The following PLCXD2 variants were observed in gnomAD, a reference collection of about 807,000 sequenced individuals.
PLCXD2 encodes the protein phosphatidylinositol specific phospholipase C X domain containing 2.
Under a neutral mutation model 28.6 loss-of-function variants are expected in PLCXD2, and 21 were observed. The observed-to-expected ratio is 0.73, with a 90% CI of 0.52 to 1.06. The LOEUF is 1.06. Ranked by LOEUF, PLCXD2 falls within the 50% of genes least tolerant of loss-of-function variation. PLCXD2 has a pLI of 0.00. For synonymous variants in PLCXD2, 140 were observed against 150.1 expected (o/e 0.93, Z 0.49); for missense variants, 369 against 376.7 (o/e 0.98, Z 0.17).
At chr3:111,696,742 G>A (rs566614049) in intron 1 of PLCXD2, among the ~76,000 whole-genome samples, 6 of 152,254 alleles carry the variant, frequency 3.9e-5, no homozygotes, top group Non-Finnish European at 5.9e-5. Flanking sequence ...CCAAGCTTAC[G>A]ATGGACCGAC....
intron 3 of PLCXD2, among the ~76,000 whole-genome samples, chr3:111,717,729 C>T (rs1315292027): frequency 4.6e-5 from 7 of 152,162 alleles, no homozygotes; most frequent in Admixed American, 1.3e-4. Flanking sequence ...GCAGAGGGCG[C>T]CTGCACCTCA....
chr3:111,690,119 A>G (rs557725994), intron 1 of PLCXD2, among the ~76,000 whole-genome samples: 353 of 125,960 alleles, frequency 2.8e-3, no homozygotes, highest in African/African-American at 9.1e-3. Context: ...AATCCTGATA[A>G]CAATACTAGA....
intron 1 of PLCXD2, among the ~76,000 whole-genome samples, chr3:111,694,471 CT>C (rs61244571): frequency 0.11 from 15,359 of 145,794 alleles, 924 homozygotes; most frequent in Non-Finnish European, 0.14. Context: ...TTGAAGAGAG[CT>C]TTTTTTTTTT....
chr3:111,675,419 A>C lies in PLCXD2; in HGVS notation c.163+11A>C, dbSNP rs779147999. On this transcript the variant is annotated intron_variant, in intron 1 of 4. Transcript: ENST00000477665. ...ATCTGGCAATCCCAGGTATTCGTCTATTCCTACTTGTTCCCACTGTGTTTA... is the reference window on the plus strand; with the variant it reads ...ATCTGGCAATCCCAGGTATTCGTCTCTTCCTACTTGTTCCCACTGTGTTTA... The C allele has an allele frequency of 6.2e-7, 1 of 1,613,930 alleles. No individual in the cohort carries two copies. The highest frequency in any genetic ancestry group is 1.1e-5 in the South Asian group (1 of 91,062).
intron 1 of PLCXD2, among the ~76,000 whole-genome samples, chr3:111,690,756 C>T (rs561415331): frequency 6.6e-6 from 1 of 152,202 alleles, no homozygotes; most frequent in Non-Finnish European, 1.5e-5. Flanking sequence ...AAAAAAACCT[C>T]TTCTTATCCT....
Position 111,675,367 on chromosome 3 carries a change from C to A in PLCXD2, c.122C>A (p.Pro41His), listed in dbSNP as rs772539605. ...GCCGACTGGATGGCCTCGCTCCCCC[C>A]TCACCTCCACAACCTCCCCCTTTCC... The change falls in exon 1 of 5, where the codon CCT (proline) becomes CAT (histidine). Residue 41 changes from proline (P) to histidine (H), a missense_variant. Coordinates refer to ENST00000477665, the MANE Select transcript of PLCXD2 (RefSeq NM_001185106.1). 2 of 1,614,190 alleles carry A rather than the reference C, an allele frequency of 1.2e-6. No individual in the cohort carries two copies. Among genetic ancestry groups the A allele is most frequent in the Admixed American group, 3.3e-5 (2 of 60,022 alleles).
At chr3:111,683,768 G>T (rs1396865212) in intron 1 of PLCXD2, among the ~76,000 whole-genome samples, 1 of 152,130 alleles carries the variant, frequency 6.6e-6, no homozygotes, top group Non-Finnish European at 1.5e-5. Flanking sequence ...ACTGCTGGAA[G>T]AAGCATATAG....
In PLCXD2 at chr3:111,708,314, T is replaced by A. The variant is rs1444449228; in HGVS notation, c.552T>A (p.Phe184Leu). Residue 184 changes from phenylalanine to leucine, a missense_variant, in exon 2 of 5, where the codon TTT becomes TTA. Transcript: ENST00000477665. ...TGGTTCTGCGGATCCAGGAGGCCTT[T>A]GGAAACAAGCTGTGCCCAGCCTGCA... The A allele has an allele frequency of 6.2e-7, 1 of 1,614,024 alleles. No individual in the cohort carries two copies. Among genetic ancestry groups the A allele is most frequent in the African/African-American group, 1.3e-5 (1 of 74,904 alleles).
intron 1 of PLCXD2, among the ~76,000 whole-genome samples, chr3:111,680,070 T>C (rs762442900): frequency 2.6e-5 from 4 of 152,216 alleles, no homozygotes; most frequent in Non-Finnish European, 5.9e-5. Flanking sequence ...CATTCCCTTC[T>C]TTTCTTTTCT....
chr3:111,695,482 A>G (rs1453283265), intron 1 of PLCXD2, among the ~76,000 whole-genome samples: 1 of 152,256 alleles, frequency 6.6e-6, no homozygotes, highest in Non-Finnish European at 1.5e-5. Flanking sequence ...CTGCTGTCGC[A>G]CTTTGGGGTC....
chr3:111,719,129 A>C (rs1941312769), intron 3 of PLCXD2, among the ~76,000 whole-genome samples: 1 of 152,208 alleles, frequency 6.6e-6, no homozygotes, highest in Non-Finnish European at 1.5e-5. Context: ...CTAAACCTAA[A>C]AGCTAAAAAC....
intron 1 of PLCXD2, among the ~76,000 whole-genome samples, chr3:111,705,888 T>C: frequency 6.6e-6 from 1 of 150,638 alleles, no homozygotes; most frequent in South Asian, 2.2e-4. Context: ...AGGGTCTTAC[T>C]CTGACCCAGG....
chr3:111,712,954 TCAC>T (rs1346545874), intron 2 of PLCXD2, among the ~76,000 whole-genome samples: 3 of 152,206 alleles, frequency 2.0e-5, no homozygotes, highest in Non-Finnish European at 4.4e-5. Flanking sequence ...ATTTTCAACA[TCAC>T]CACCATCCTG....
chr3:111,695,737 G>C (rs78466976), intron 1 of PLCXD2, among the ~76,000 whole-genome samples: 5,560 of 152,268 alleles, frequency 0.037, 352 homozygotes, highest in African/African-American at 0.13. Flanking sequence ...CTAATGGTTG[G>C]GGAACCTCTA....
intron 1 of PLCXD2, among the ~76,000 whole-genome samples, chr3:111,689,443 T>C (rs1940843264): frequency 6.6e-6 from 1 of 152,222 alleles, no homozygotes; most frequent in South Asian, 2.1e-4. Flanking sequence ...ATTTTGGGCT[T>C]GAAGAAAACT....
At chr3:111,705,765 GGA>G (rs1308194386) in intron 1 of PLCXD2, among the ~76,000 whole-genome samples, 1 of 151,926 alleles carries the variant, frequency 6.6e-6, no homozygotes, top group Non-Finnish European at 1.5e-5. Context: ...TTAGCGACAT[GGA>G]GCATTGCTTC....
chr3:111,719,797 T>C (rs1941321331), intron 3 of PLCXD2, among the ~76,000 whole-genome samples: 1 of 152,370 alleles, frequency 6.6e-6, no homozygotes, highest in East Asian at 1.9e-4. Flanking sequence ...GTACCAGTTA[T>C]GTTCTAGACC....
At chr3:111,683,372 AGATC>A (rs1245933282) in intron 1 of PLCXD2, among the ~76,000 whole-genome samples, 1 of 152,232 alleles carries the variant, frequency 6.6e-6, no homozygotes, top group African/African-American at 2.4e-5. Flanking sequence ...GGCAAGAACT[AGATC>A]CTAATGAGCC....
chr3:111,688,719 C>A (rs144239054), intron 1 of PLCXD2, among the ~76,000 whole-genome samples: 2 of 152,112 alleles, frequency 1.3e-5, no homozygotes, highest in South Asian at 4.1e-4. Flanking sequence ...GGACTGAGGG[C>A]GAAGACCATA....
Sources: allele counts gnomAD v4.1 joint callset (sites outside exome capture counted in the v4.1 genomes callset), GRCh38; gene constraint gnomAD v4.1.1; transcripts MANE v1.5; gene names NCBI Gene and HGNC (gene_info 2026-07-23, HGNC 2026-07-21).